Variants in PDSS2 observed in about 807,000 individuals in gnomAD.
PDSS2 encodes decaprenyl diphosphate synthase subunit 2, also known as all trans-polyprenyl-diphosphate synthase PDSS2.
A neutral mutation model predicts 44.5 loss-of-function variants in PDSS2; 31 were observed. The observed-to-expected ratio is 0.70, with a 90% CI of 0.52 to 0.94. PDSS2 has a LOEUF of 0.94. PDSS2 is among the 40% of genes least tolerant of loss of function. The pLI is 0.00. For synonymous variants in PDSS2, 157 were observed against 180.3 expected (o/e 0.87, Z 1.03); for missense variants, 452 against 482.2 (o/e 0.94, Z 0.59).
chr6:107,439,351 T>C (rs1165039270), intron 1 of PDSS2, among the ~76,000 whole-genome samples: 1 of 152,222 alleles, frequency 6.6e-6, no homozygotes, highest in East Asian at 1.9e-4. Flanking sequence ...TAGCTGTCCA[T>C]CATGAGTTGT....
chr6:107,203,846 G>C (rs1772876936), intron 6 of PDSS2, among the ~76,000 whole-genome samples: 1 of 151,912 alleles, frequency 6.6e-6, no homozygotes, highest in Non-Finnish European at 1.5e-5. Flanking sequence ...GCAACCACCA[G>C]TCTTTTTTCT....
At chr6:107,265,688 T>C (rs1775390086) in intron 3 of PDSS2, among the ~76,000 whole-genome samples, 1 of 152,196 alleles carries the variant, frequency 6.6e-6, no homozygotes, top group East Asian at 1.9e-4. Flanking sequence ...ACGCCTGTAA[T>C]CCTAGCACCT....
At chr6:107,255,747 T>A (rs1299378213) in intron 3 of PDSS2, among the ~76,000 whole-genome samples, 1 of 152,232 alleles carries the variant, frequency 6.6e-6, no homozygotes, top group African/African-American at 2.4e-5. Context: ...ACCTTGTTAG[T>A]CCTTGTAATT....
At position 107,177,363 on chromosome 6, in the gene PDSS2, C is replaced by T. The variant is rs560527165; in HGVS notation, c.1041+16459G>A. Among the ~76,000 whole-genome samples, 54 of 152,248 alleles carry T rather than the reference C, an allele frequency of 3.5e-4. 1 individual carries two copies. The highest frequency in any genetic ancestry group is 3.4e-3 in the Middle Eastern group (1 of 294). On this transcript the variant is annotated intron_variant, in intron 7 of 7. Transcript: ENST00000369037. The stretch of plus-strand genomic sequence containing the variant: ...TCAGGCTGGTCTCAAACTCAAACTC[C>T]TGATCCCAGGTGATCCGCCCGCCTT...
intron 6 of PDSS2, among the ~76,000 whole-genome samples, chr6:107,199,077 A>G (rs1562369258): frequency 6.6e-6 from 1 of 152,228 alleles, no homozygotes; most frequent in Non-Finnish European, 1.5e-5. Context: ...TTCTCATTAA[A>G]TACTATCCTT....
intron 1 of PDSS2, among the ~76,000 whole-genome samples, chr6:107,402,000 C>T (rs897488831): frequency 1.3e-5 from 2 of 151,886 alleles, no homozygotes; most frequent in Non-Finnish European, 1.5e-5. Context: ...AAAATTAGGC[C>T]GGGCGCAGTG....
chr6:107,183,205 T>C (rs1044762545), intron 7 of PDSS2, among the ~76,000 whole-genome samples: 2 of 87,766 alleles, frequency 2.3e-5, no homozygotes, highest in African/African-American at 3.9e-5. Flanking sequence ...AGCAAGACTG[T>C]CTAAAAAAAA....
chr6:107,175,038 C>T (rs577942934), intron 7 of PDSS2, among the ~76,000 whole-genome samples: 1 of 152,068 alleles, frequency 6.6e-6, no homozygotes, highest in African/African-American at 2.4e-5. Context: ...CATGGTGAAA[C>T]CTGTTTCTAC....
At chr6:107,443,940 T>C (rs546300907) in intron 1 of PDSS2, among the ~76,000 whole-genome samples, 181 of 152,352 alleles carry the variant, frequency 1.2e-3, no homozygotes, top group African/African-American at 4.1e-3. Context: ...TCGCTAATAT[T>C]TGGGTACTTG....
At chr6:107,201,913 CT>C in intron 6 of PDSS2, among the ~76,000 whole-genome samples, 1 of 152,352 alleles carries the variant, frequency 6.6e-6, no homozygotes, top group East Asian at 1.9e-4. Context: ...CACCTTACCA[CT>C]TCTGTTTTCC....
At chr6:107,267,037 T>C (rs746755787) in intron 3 of PDSS2, among the ~76,000 whole-genome samples, 1 of 152,266 alleles carries the variant, frequency 6.6e-6, no homozygotes, top group Non-Finnish European at 1.5e-5. Context: ...TTAACATGAT[T>C]ATGTTTGTAT....
At chr6:107,205,999 G>C (rs1772961608) in intron 6 of PDSS2, among the ~76,000 whole-genome samples, 1 of 152,212 alleles carries the variant, frequency 6.6e-6, no homozygotes, top group African/African-American at 2.4e-5. Flanking sequence ...TTTAAATGTG[G>C]TAATAAGAAA....
At chr6:107,430,046 T>C (rs1444693519) in intron 1 of PDSS2, among the ~76,000 whole-genome samples, 1 of 150,918 alleles carries the variant, frequency 6.6e-6, no homozygotes, top group African/African-American at 2.4e-5. Context: ...ACTTAGCATA[T>C]ACAAGACCTC....
intron 2 of PDSS2, among the ~76,000 whole-genome samples, chr6:107,306,346 GTC>G: frequency 6.6e-6 from 1 of 152,240 alleles, no homozygotes; most frequent in Non-Finnish European, 1.5e-5. Flanking sequence ...AAAAATGGGA[GTC>G]TCTCTGCACA....
chr6:107,325,003 A>G (rs1777494976), intron 2 of PDSS2, among the ~76,000 whole-genome samples: 2 of 152,126 alleles, frequency 1.3e-5, no homozygotes, highest in African/African-American at 2.4e-5. Flanking sequence ...ATGAACTACA[A>G]TATTTGCAGC....
At chr6:107,291,265 G>C (rs1184197599) in intron 2 of PDSS2, among the ~76,000 whole-genome samples, 1 of 151,720 alleles carries the variant, frequency 6.6e-6, no homozygotes, top group Non-Finnish European at 1.5e-5. Context: ...CTTTGTATTT[G>C]GGGTTGGCCA....
At chr6:107,319,626 T>G (rs1777320068) in intron 2 of PDSS2, among the ~76,000 whole-genome samples, 1 of 152,240 alleles carries the variant, frequency 6.6e-6, no homozygotes, top group South Asian at 2.1e-4. Context: ...CAAGTTACCT[T>G]GCCTACCCCT....
intron 2 of PDSS2, among the ~76,000 whole-genome samples, chr6:107,279,341 A>G (rs1775888546): frequency 6.6e-6 from 1 of 152,210 alleles, no homozygotes; most frequent in Admixed American, 6.5e-5. Flanking sequence ...AATTTGTCCA[A>G]TTTTTATCCC....
intron 2 of PDSS2, among the ~76,000 whole-genome samples, chr6:107,278,818 T>A (rs1374905326): frequency 6.6e-6 from 1 of 152,228 alleles, no homozygotes; most frequent in Non-Finnish European, 1.5e-5. Context: ...TTATATTATC[T>A]ACTTGTGATT....
Sources: allele counts gnomAD v4.1 joint callset (sites outside exome capture counted in the v4.1 genomes callset), GRCh38; gene constraint gnomAD v4.1.1; transcripts MANE v1.5; gene names NCBI Gene and HGNC (gene_info 2026-07-23, HGNC 2026-07-21).